The following SLC23A2 variants were observed in gnomAD, a reference collection of about 807,000 sequenced individuals.
SLC23A2 encodes solute carrier family 23 member 2, also known as Na(+)/L-ascorbic acid transporter 2.
Under a neutral mutation model 73.3 loss-of-function variants are expected in SLC23A2, and 36 were observed. The observed-to-expected ratio is 0.49, with a 90% CI of 0.38 to 0.65. The LOEUF (loss-of-function observed/expected upper bound fraction) is 0.65. Among genes scored for constraint, SLC23A2 ranks in the 30% least tolerant of loss-of-function variants. The probability of loss-of-function intolerance (pLI) is 0.00; values close to 1 mark genes in which losing one functional copy is unlikely to be tolerated. For synonymous variants in SLC23A2, 343 were observed against 327.3 expected, an observed-to-expected ratio of 1.05 and a Z score of -0.52; for missense variants, 507 against 841.6, an observed-to-expected ratio of 0.60 and a Z score of 4.92.
intron 3 of SLC23A2, among the ~76,000 whole-genome samples, chr20:4,915,714 G>A (rs911848525): frequency 1.3e-4 from 20 of 152,138 alleles, no homozygotes; most frequent in African/African-American, 3.6e-4. Context: ...TTGGGAGGCC[G>A]TGGCAGGCAG....
intron 8 of SLC23A2, 61 bp downstream of exon 8, chr20:4,884,692 C>T (rs1212730356): frequency 3.4e-6 from 4 of 1,161,722 alleles, no homozygotes; most frequent in East Asian, 2.3e-5. Context: ...CTTGGGTCAA[C>T]CAACATTGAA....
intron 6 of SLC23A2, among the ~76,000 whole-genome samples, chr20:4,895,145 G>C (rs911545280): frequency 6.6e-6 from 1 of 152,242 alleles, no homozygotes; most frequent in Non-Finnish European, 1.5e-5. Flanking sequence ...CTGACACTGT[G>C]TCTTAGAAAT....
Position 4,869,942 on chromosome 20 carries a change from G to A in SLC23A2, c.1214C>T (p.Ser405Phe). 6.2e-7 allele frequency: 1 copy of A among 1,613,470 alleles called. No homozygotes were observed. Among genetic ancestry groups the A allele is most frequent in the South Asian group, 1.1e-5 (1 of 91,064 alleles). Residue 405 changes from serine to phenylalanine, a missense_variant, in exon 12 of 17, where the codon TCC becomes TTC. Ser to Phe is a radical substitution (Grantham distance 155). Around this residue, in one of 5 missense-constraint regions of SLC23A2, gnomAD observed 27 missense variants for 18.2 expected, o/e 1.48. Transcript: ENST00000338244. ...IGDYYACARL[S>F]CAPPPPIHAI... is the part of the protein sequence containing the mutation. ...GTGGATGGGGGGGGGTGGGGCACAGGACAGCCGTGCACAGGCGTAGTAGTC... is the reference window on the plus strand; with the variant it reads ...GTGGATGGGGGGGGGTGGGGCACAGAACAGCCGTGCACAGGCGTAGTAGTC...
intron 4 of SLC23A2, among the ~76,000 whole-genome samples, chr20:4,903,995 C>T (rs1481159742): frequency 6.6e-6 from 1 of 152,156 alleles, no homozygotes; most frequent in African/African-American, 2.4e-5. Context: ...GTTTCTGCCT[C>T]TTAAACATGT....
chr20:4,991,672 A>T (rs912230675), intron 1 of SLC23A2, among the ~76,000 whole-genome samples: 1 of 150,950 alleles, frequency 6.6e-6, no homozygotes, highest in Non-Finnish European at 1.5e-5. Flanking sequence ...CAGTGAGCTG[A>T]GATCACACCA....
intron 1 of SLC23A2, among the ~76,000 whole-genome samples, chr20:4,997,116 T>C (rs1030100762): frequency 2.6e-5 from 4 of 152,162 alleles, no homozygotes; most frequent in African/African-American, 9.6e-5. Context: ...GAAATCCCAC[T>C]AGTCTCCCCT....
intron 2 of SLC23A2, among the ~76,000 whole-genome samples, chr20:4,934,690 C>G (rs559189760): frequency 6.7e-6 from 1 of 150,118 alleles, no homozygotes; most frequent in African/African-American, 2.5e-5. Flanking sequence ...GGTGAAACCC[C>G]GTCTCTACTA....
rs6038016 is a variant in SLC23A2, at chr20:4,937,284, C to T, written c.-154-4568G>A. On this transcript the variant is annotated intron_variant, in intron 2 of 16. Coordinates refer to ENST00000338244, the MANE Select transcript of SLC23A2 (RefSeq NM_005116.6). ...ATTAAAACAAGAAGCAAAATCTCCC[C>T]GGGAATTTGACACTGGGGAAAGTGT... Among the ~76,000 whole-genome samples, 618 of 152,212 alleles carry T rather than the reference C, an allele frequency of 4.1e-3. 8 individuals carry two copies. The highest frequency in any genetic ancestry group is 0.014 in the African/African-American group (591 of 41,532).
chr20:4,968,964 A>G (rs767885930), intron 2 of SLC23A2, among the ~76,000 whole-genome samples: 4 of 151,216 alleles, frequency 2.6e-5, no homozygotes, highest in Non-Finnish European at 4.4e-5. Context: ...CTCATGATCC[A>G]CCCACCTTGG....
At chr20:4,986,739 G>A (rs1160822012) in intron 1 of SLC23A2, among the ~76,000 whole-genome samples, 1 of 148,606 alleles carries the variant, frequency 6.7e-6, no homozygotes. Flanking sequence ...CAAAAAGTCT[G>A]GAAAATATAT....
At chr20:4,924,223 T>A (rs545775387) in intron 3 of SLC23A2, among the ~76,000 whole-genome samples, 2 of 152,098 alleles carry the variant, frequency 1.3e-5, no homozygotes, top group South Asian at 4.2e-4. Flanking sequence ...GACAGCAACT[T>A]GCCCCTTCTT....
At chr20:4,922,458 C>A (rs930822546) in intron 3 of SLC23A2, among the ~76,000 whole-genome samples, 1 of 152,198 alleles carries the variant, frequency 6.6e-6, no homozygotes, top group Non-Finnish European at 1.5e-5. Flanking sequence ...CAGCATTTAG[C>A]AAGAGCAGAA....
At chr20:4,963,585 C>A (rs369155897) in intron 2 of SLC23A2, among the ~76,000 whole-genome samples, 6 of 152,176 alleles carry the variant, frequency 3.9e-5, no homozygotes, top group Admixed American at 1.3e-4. Flanking sequence ...CGGTGGCTCA[C>A]GCCTATAATT....
At chr20:4,916,764 C>T (rs759758370) in intron 3 of SLC23A2, among the ~76,000 whole-genome samples, 8 of 152,196 alleles carry the variant, frequency 5.3e-5, no homozygotes, top group Non-Finnish European at 1.2e-4. Context: ...AGTACCCATA[C>T]AACCCCTCTG....
chr20:4,889,747 C>T (rs1776957), intron 6 of SLC23A2, among the ~76,000 whole-genome samples: 73,678 of 151,578 alleles, frequency 0.49, 18,281 homozygotes, highest in African/African-American at 0.53. Context: ...AGGAAGTGGA[C>T]TGGCTTCACC....
At chr20:4,994,146 G>T (rs968333797) in intron 1 of SLC23A2, among the ~76,000 whole-genome samples, 1 of 152,146 alleles carries the variant, frequency 6.6e-6, no homozygotes, top group Non-Finnish European at 1.5e-5. Flanking sequence ...ATACCTTACT[G>T]TGAAGCAGGA....
In SLC23A2 at chr20:4,902,460, A is replaced by G. The variant is rs766954092; in HGVS notation, c.306T>C (p.Cys102=). The G allele has an allele frequency of 1.1e-5, 18 of 1,597,854 alleles. No individual in the cohort carries two copies. The highest frequency in any genetic ancestry group is 1.4e-5 in the Non-Finnish European group (16 of 1,167,576). ...TIEDVPPWYL[C]IFLGLQHYLT... ...ATCTTACCTGTAGCCCCAGAAATAT[A>G]CACAGGTACCAGGGAGGAACATCTT... Residue 102 remains cysteine, a synonymous_variant, in exon 5 of 17, where the codon TGT becomes TGC. Transcript: ENST00000338244. This position sits in a 1 kb window ranked among gnomAD's most constrained non-coding sequence, Gnocchi z 4.0.
At chr20:4,885,388 G>T (rs1931057431) in intron 7 of SLC23A2, among the ~76,000 whole-genome samples, 1 of 152,162 alleles carries the variant, frequency 6.6e-6, no homozygotes, top group Non-Finnish European at 1.5e-5. Flanking sequence ...AATCACTAAA[G>T]AAGGGGAATG....
intron 13 of SLC23A2, among the ~76,000 whole-genome samples, chr20:4,865,372 C>G (rs73599312): frequency 0.066 from 10,083 of 152,168 alleles, 1,113 homozygotes; most frequent in African/African-American, 0.23. Context: ...CCTTGCTGGT[C>G]CAGGTAGGGA....
Sources: allele counts gnomAD v4.1 joint callset (sites outside exome capture counted in the v4.1 genomes callset), GRCh38; gene constraint gnomAD v4.1.1; regional missense constraint gnomAD v4.1.1; non-coding constraint Gnocchi (gnomAD v3.1); transcripts MANE v1.5; gene names NCBI Gene and HGNC (gene_info 2026-07-23, HGNC 2026-07-21).